The following AFAP1 variants were observed in gnomAD, a reference collection of about 807,000 sequenced individuals.
The protein encoded by AFAP1 is actin filament-associated protein 1.
A neutral mutation model predicts 93.9 loss-of-function variants in AFAP1; 75 were observed. The ratio of observed to expected loss-of-function variants is 0.80; its 90% confidence interval spans 0.66 to 0.97. The LOEUF (loss-of-function observed/expected upper bound fraction) is 0.97, where lower values mean the gene tolerates loss of function less well. Ranked by LOEUF, AFAP1 falls within the 50% of genes least tolerant of loss-of-function variation. The pLI, the probability that AFAP1 is intolerant of heterozygous loss-of-function variation, is 0.00. For missense variants in AFAP1, 1,201 were observed against 1,050.8 expected (o/e 1.14, Z -1.98); for synonymous variants, 517 against 430.7 (o/e 1.20, Z -2.48).
At chr4:7,927,395 C>T (rs1720824983) in intron 1 of AFAP1, among the ~76,000 whole-genome samples, 1 of 152,174 alleles carries the variant, frequency 6.6e-6, no homozygotes, top group Non-Finnish European at 1.5e-5. Flanking sequence ...AGTTTCTTCG[C>T]TGTAAAAGGA....
chr4:7,937,523 A>G (rs1254937463), intron 1 of AFAP1, among the ~76,000 whole-genome samples: 2 of 152,138 alleles, frequency 1.3e-5, no homozygotes, highest in African/African-American at 4.8e-5. Flanking sequence ...GTCTTACTCT[A>G]TCGCCCAGGC....
At chr4:7,840,277 T>TGC (rs1163342567) in intron 5 of AFAP1, among the ~76,000 whole-genome samples, 13 of 130,284 alleles carry the variant, frequency 1.0e-4, no homozygotes, top group South Asian at 4.6e-4. Context: ...TGTGTGTGTG[T>TGC]GTGTGTGTGT....
intron 8 of AFAP1, 66 bp from the exon 9 acceptor site, chr4:7,809,829 T>A: frequency 6.5e-7 from 1 of 1,532,544 alleles, no homozygotes; most frequent in South Asian, 1.2e-5. Context: ...AAAAAAAACA[T>A]ACATCAAAAC....
At chr4:7,854,668 G>A (rs1358943233) in intron 4 of AFAP1, among the ~76,000 whole-genome samples, 2 of 152,196 alleles carry the variant, frequency 1.3e-5, no homozygotes, top group Non-Finnish European at 2.9e-5. Context: ...TGCACCAGGA[G>A]CCTCCTGAGT....
intron 10 of AFAP1, among the ~76,000 whole-genome samples, chr4:7,797,610 A>G (rs1718556502): frequency 6.6e-6 from 1 of 152,332 alleles, no homozygotes; most frequent in South Asian, 2.1e-4. Flanking sequence ...GGAGCAGGCT[A>G]AAGAGACGCG....
intron 11 of AFAP1, among the ~76,000 whole-genome samples, chr4:7,789,256 G>T (rs994249617): frequency 3.3e-5 from 5 of 152,174 alleles, no homozygotes; most frequent in Admixed American, 2.6e-4. Context: ...TGGAAATGAA[G>T]TAAGAGGCCA....
intron 3 of AFAP1, among the ~76,000 whole-genome samples, chr4:7,866,949 G>A (rs1716467850): frequency 6.6e-6 from 1 of 151,478 alleles, no homozygotes; most frequent in Non-Finnish European, 1.5e-5. Context: ...TGAGGAGAGA[G>A]GATTGCTTGA....
At chr4:7,799,854 T>C (rs4689866) in intron 10 of AFAP1, among the ~76,000 whole-genome samples, 57,222 of 152,052 alleles carry the variant, frequency 0.38, 11,457 homozygotes, top group East Asian at 0.77. Context: ...GAAATTCTAG[T>C]GAAGCAGCCA....
At chr4:7,864,163 ACC>A (rs1716124329) in intron 3 of AFAP1, among the ~76,000 whole-genome samples, 36 of 151,838 alleles carry the variant, frequency 2.4e-4, no homozygotes, top group East Asian at 9.7e-4. Context: ...TCTCATCACA[ACC>A]CACAGGTCCT....
intron 16 of AFAP1, among the ~76,000 whole-genome samples, chr4:7,770,161 G>C (rs1184571069): frequency 6.6e-6 from 1 of 152,090 alleles, no homozygotes. Flanking sequence ...ACAGTGGACT[G>C]GGAGCGGGGA....
intron 6 of AFAP1, among the ~76,000 whole-genome samples, chr4:7,821,910 G>C (rs1429202174): frequency 1.3e-5 from 2 of 152,202 alleles, no homozygotes; most frequent in Non-Finnish European, 2.9e-5. Flanking sequence ...GAAAGAAAAT[G>C]AAAGAAGAAA....
At chr4:7,896,301 C>T (rs1200744091) in intron 1 of AFAP1, among the ~76,000 whole-genome samples, 1 of 152,002 alleles carries the variant, frequency 6.6e-6, no homozygotes, top group Non-Finnish European at 1.5e-5. Flanking sequence ...TCAATCTGCT[C>T]CCCAGAATGA....
rs1282878094 is a variant in AFAP1 at position 7,763,012 on chromosome 4, G to A, written c.*753C>T. The A allele has an allele frequency of 6.6e-6, 1 of 152,102 alleles. No individual in the cohort carries two copies. The highest frequency in any genetic ancestry group is 2.4e-5 in the African/African-American group (1 of 41,328). 9.4% of individuals were successfully genotyped at this position (152,102 alleles called of 1,614,324 possible). A position where few individuals can be genotyped will look rare whatever the true frequency, so the allele number is the denominator to read the frequency against. On this transcript the variant is annotated 3_prime_UTR_variant, in exon 18 of 18. Coordinates refer to ENST00000420658, the MANE Select transcript of AFAP1 (RefSeq NM_001134647.2). ...TAAAACCCTCTGCTACCTGTCAAAA[G>A]CAGCACAAATAATTAATTAATAAAA...
At chr4:7,841,967 C>T (rs530156224) in intron 5 of AFAP1, among the ~76,000 whole-genome samples, 13 of 152,172 alleles carry the variant, frequency 8.5e-5, no homozygotes, top group South Asian at 2.1e-4. Flanking sequence ...CACACAACCG[C>T]GAAGCTTCCC....
chr4:7,874,683 T>C (rs28600706), intron 1 of AFAP1, among the ~76,000 whole-genome samples: 50,460 of 150,796 alleles, frequency 0.33, 9,531 homozygotes, highest in Non-Finnish European at 0.44. Flanking sequence ...ACACCCAGCC[T>C]AGATTTTCTT....
At chr4:7,906,645 C>G (rs1420780137) in intron 1 of AFAP1, among the ~76,000 whole-genome samples, 2 of 152,326 alleles carry the variant, frequency 1.3e-5, no homozygotes, top group East Asian at 1.9e-4. Context: ...GCTTGAAGCC[C>G]TCCAAACTCA....
At chr4:7,821,268 G>T (rs1044256869) in intron 6 of AFAP1, among the ~76,000 whole-genome samples, 1 of 152,218 alleles carries the variant, frequency 6.6e-6, no homozygotes, top group African/African-American at 2.4e-5. Flanking sequence ...GAGACAGTGA[G>T]ATCCGCTATG....
intron 1 of AFAP1, among the ~76,000 whole-genome samples, chr4:7,887,649 T>G (rs775429262): frequency 1.3e-5 from 2 of 152,258 alleles, no homozygotes; most frequent in Admixed American, 1.3e-4. Flanking sequence ...GGATCAGCAC[T>G]GCCAGCACTG....
Position 7,763,602 on chromosome 4 carries a change from A to T in AFAP1, c.*163T>A. 1.4e-6 allele frequency: 1 copy of T among 693,116 alleles called. No individual in the cohort carries two copies. The highest frequency in any genetic ancestry group is 2.3e-6 in the Non-Finnish European group (1 of 426,946). 42.9% of individuals were successfully genotyped at this position (693,116 alleles called of 1,614,324 possible). On this transcript the variant is annotated 3_prime_UTR_variant, in exon 18 of 18. Transcript: ENST00000420658. ...GGCGCCATTTTACAGTAGAAAGAATACAAGTGGGCCTGGGGGACAGGCACT... is the reference window on the plus strand; with the variant it reads ...GGCGCCATTTTACAGTAGAAAGAATTCAAGTGGGCCTGGGGGACAGGCACT...
Sources: allele counts gnomAD v4.1 joint callset (sites outside exome capture counted in the v4.1 genomes callset), GRCh38; gene constraint gnomAD v4.1.1; transcripts MANE v1.5; gene names NCBI Gene and HGNC (gene_info 2026-07-23, HGNC 2026-07-21).